The following FLNA variants were observed in gnomAD, a reference collection of about 807,000 sequenced individuals.
FLNA encodes the protein filamin A, also known as filamin-A.
A neutral mutation model predicts 157.6 loss-of-function variants in FLNA; 7 were observed. The ratio of observed to expected loss-of-function variants is 0.04; its 90% CI spans 0.03 to 0.08. FLNA has a LOEUF of 0.08. FLNA is among the 10% of genes least tolerant of loss of function. The pLI is 1.00. For synonymous variants in FLNA, 1,103 were observed against 1,060.8 expected (o/e 1.04, Z -0.77); for missense variants, 1,750 against 2,398.4 (o/e 0.73, Z 5.65).
At position 154,348,661 on chromosome X, in the gene FLNA, C is replaced by G. The variant is rs2067592253; in HGVS notation, c.*188G>C. ...AGCGCCACCAAATGGCTCCCTCTGC[C>G]CAAGTGAAAGCCGAGAGGTCAGCGG... On this transcript the variant is annotated 3_prime_UTR_variant, in exon 48 of 48. Transcript: ENST00000369850. 1 of 418,888 alleles carries G rather than the reference C, an allele frequency of 2.4e-6. No individual in the cohort carries two copies. The highest frequency in any genetic ancestry group is 4.3e-5 in the South Asian group (1 of 23,141). 34.5% of individuals were successfully genotyped at this position (418,888 alleles called of 1,213,427 possible).
In FLNA at chrX:154,352,870, G is replaced by T; in HGVS notation, c.6281C>A (p.Thr2094Lys). ...GCACGTCCCGTCCTCCAGGTCCTCT[G>T]TGTTGATGTCCACCTTGCTGGGGCC... ...IEGPSKVDINTEDLEDGTCRV... is the reference protein window; with the variant it reads ...IEGPSKVDINKEDLEDGTCRV... The change falls in exon 39 of 48, where the codon ACA (threonine) becomes AAA (lysine). Residue 2094 changes from threonine to lysine, a missense_variant. Around this residue, in one of 5 missense-constraint regions of FLNA, gnomAD observed 970 missense variants for 1,302.6 expected, o/e 0.74. Transcript: ENST00000369850. 1 of 1,211,764 alleles carries T rather than the reference G, an allele frequency of 8.3e-7. No individual in the cohort carries two copies. The highest frequency in any genetic ancestry group is 1.1e-6 in the Non-Finnish European group (1 of 895,291).
chrX:154,349,230 G>T, intron 47 of FLNA, 132 bp downstream of exon 47: 1 of 789,519 alleles, frequency 1.3e-6, no homozygotes, highest in Non-Finnish European at 1.9e-6. Context: ...GGGTCCAGGA[G>T]GTGGCAGGGA....
chrX:154,365,615 G>T, intron 9 of FLNA, 129 bp from the exon 10 acceptor site: 1 of 821,475 alleles, frequency 1.2e-6, no homozygotes, highest in Non-Finnish European at 1.7e-6. Context: ...ATGCAAGACA[G>T]AACTGGAAGG....
At position 154,364,871 on chromosome X, in the gene FLNA, T is replaced by A. The variant is rs1557178817; in HGVS notation, c.1778A>T (p.Lys593Met). The change falls in exon 12 of 48, where the codon AAG (lysine) becomes ATG (methionine). Residue 593 changes from lysine to methionine, a missense_variant. By Grantham distance (95) the Lys-to-Met change is moderately conservative (BLOSUM62 -1). Transcript: ENST00000369850. ...GPGLEGGVVG[K>M]SADFVVEAIG... is the part of the protein sequence containing the mutation. ...AGCCTCCACCACAAAGTCTGCTGACTTGCCAACGACGCCGCCCTCCAGCCC... is the reference window on the plus strand; with the variant it reads ...AGCCTCCACCACAAAGTCTGCTGACATGCCAACGACGCCGCCCTCCAGCCC... 4 of 1,211,633 alleles carry A rather than the reference T, an allele frequency of 3.3e-6. No homozygotes were observed. The highest frequency in any genetic ancestry group is 1.1e-6 in the Non-Finnish European group (1 of 895,554).
rs2070825 is a variant in FLNA at position 154,353,564 on chromosome X, A to G, written c.5850T>C (p.Ala1950=). 0.14 allele frequency: 166,360 copies of G among 1,209,033 alleles called. 11,142 individuals are homozygous for G. Among genetic ancestry groups the G allele is most frequent in the African/African-American group, 0.5 (28,385 of 57,102 alleles). ...EQHVPGSPFT[A]RVTGDDSMRM... ...CCCAGTGCCACCCACCTGTGACCCG[A>G]GCAGTGAAGGGGCTGCCTGGGACGT... is the stretch of plus-strand genomic sequence containing the variant. The change falls in exon 36 of 48, where the codon GCT becomes GCC. Residue 1950 remains alanine (A), a synonymous_variant. Transcript: ENST00000369850.
chrX:154,358,571 G>C lies in FLNA; in HGVS notation c.4475-3C>G. The C allele has an allele frequency of 8.3e-7, 1 of 1,209,227 alleles. No homozygotes were observed. Among genetic ancestry groups the C allele is most frequent in the Non-Finnish European group, 1.1e-6 (1 of 894,826 alleles). On this transcript the variant is annotated splice_polypyrimidine_tract_variant and splice_region_variant and intron_variant, in intron 26 of 47. Transcript: ENST00000369850. ...CACGTCCACTGGCTCCACCAGGCCT[G>C]GCCCCAGCCCCAGGGACAGAGCATC...
intron 28 of FLNA, 31 bp downstream of exon 28, chrX:154,358,168 C>T (rs782571288): frequency 1.7e-6 from 2 of 1,205,978 alleles, no homozygotes; most frequent in Non-Finnish European, 2.2e-6. Flanking sequence ...CCCAGGCCCC[C>T]CTGCCTCCCC....
At chrX:154,362,856 T>C in intron 15 of FLNA, 72 bp from the exon 16 acceptor site, 5 of 1,092,136 alleles carry the variant, frequency 4.6e-6, no homozygotes, top group Non-Finnish European at 6.1e-6. Flanking sequence ...TCAGCTACAC[T>C]GGCAGGCACA....
chrX:154,366,487 G>A lies in FLNA; in HGVS notation c.1066-17C>T. 3.3e-6 allele frequency: 4 copies of A among 1,211,106 alleles called. No individual in the cohort carries two copies. The highest frequency in any genetic ancestry group is 4.5e-6 in the Non-Finnish European group (4 of 894,867). ...CACAGTAACCTGTCCCCAGAAGGGTGGGCCGTGAGGGTAGGGCTGGGGGCC... is the reference window on the plus strand; with the variant it reads ...CACAGTAACCTGTCCCCAGAAGGGTAGGCCGTGAGGGTAGGGCTGGGGGCC... On this transcript the variant is annotated splice_polypyrimidine_tract_variant and intron_variant, in intron 7 of 47. Coordinates refer to ENST00000369850, the MANE Select transcript of FLNA (RefSeq NM_001110556.2).
Position 154,366,061 on chromosome X carries a change from G to A in FLNA, c.1392C>T (p.Pro464=), listed in dbSNP as rs1557179137. ...TGACAGTGTAGGGGCTGCGAGGGATGGGCACGCCGGCAAACGTGACGTGCA... is the reference window on the plus strand; with the variant it reads ...TGACAGTGTAGGGGCTGCGAGGGATAGGCACGCCGGCAAACGTGACGTGCA... ...HTVHVTFAGV[P]IPRSPYTVTV... is the part of the protein sequence containing the mutation. Residue 464 remains proline, a synonymous_variant, in exon 9 of 48, where the codon CCC becomes CCT. Transcript: ENST00000369850. 3 of 1,209,154 alleles carry A rather than the reference G, an allele frequency of 2.5e-6. No homozygotes were observed. The highest frequency in any genetic ancestry group is 1.8e-5 in the South Asian group (1 of 57,003).
At chrX:154,369,510 C>T (rs2067788630) in intron 2 of FLNA, among the ~76,000 whole-genome samples, 1 of 107,460 alleles carries the variant, frequency 9.3e-6, no homozygotes, top group African/African-American at 3.4e-5. Context: ...CCCCATCCCA[C>T]CCCCCTTTCC....
chrX:154,371,408 GA>G lies in FLNA; in HGVS notation c.-116-48del. 6.3e-6 allele frequency: 4 copies of G among 630,018 alleles called. 1 individual carries two copies. Among genetic ancestry groups the G allele is most frequent in the Non-Finnish European group, 9.4e-6 (4 of 424,191 alleles). The allele number at this position is 630,018 out of a possible 1,213,427, so 51.9% of individuals were successfully genotyped here. A position where few individuals can be genotyped will look rare whatever the true frequency, so the allele number is the denominator to read the frequency against. On this transcript the variant is annotated intron_variant, in intron 1 of 47. Coordinates refer to ENST00000369850, the MANE Select transcript of FLNA (RefSeq NM_001110556.2). The stretch of plus-strand genomic sequence containing the variant: ...TAAATGCGGGAGGAGGGCGGGGCCA[GA>G]GGGCGGGCCTCCTGCGGGGAGGGGC...
Position 154,351,593 on chromosome X carries a change from A to G in FLNA, c.7011T>C (p.Val2337=), listed in dbSNP as rs1557175796. ...SPSGDARRLT[V]SSLQESGLKV... ...CTCGGTGCCTCACCTGAAGGCTAGA[A>G]ACAGTGAGGCGGCGGGCGTCGCCAG... The change falls in exon 43 of 48, where the codon GTT becomes GTC. Residue 2337 remains valine (V), a synonymous_variant. Transcript: ENST00000369850. 8.3e-7 allele frequency: 1 copy of G among 1,201,492 alleles called. No homozygotes were observed. Among genetic ancestry groups the G allele is most frequent in the Non-Finnish European group, 1.1e-6 (1 of 886,701 alleles).
At position 154,360,466 on chromosome X, in the gene FLNA, G is replaced by A. The variant is rs2067697187; in HGVS notation, c.3329C>T (p.Ala1110Val). 1.7e-6 allele frequency: 2 copies of A among 1,211,528 alleles called. No individual in the cohort carries two copies. Among genetic ancestry groups the A allele is most frequent in the Non-Finnish European group, 2.2e-6 (2 of 895,495 alleles). The part of the protein sequence containing the change: ...LGLTVEGPCE[A>V]QLECLDNGDG... ...CCCATTGTCCAAGCACTCGAGCTGC[G>A]CCTCACAGGGGCCCTCCACCGTCAG... The change falls in exon 22 of 48, where the codon GCG becomes GTG. Residue 1110 changes from alanine (A) to valine (V), a missense_variant. Transcript: ENST00000369850.
chrX:154,354,691 G>A lies in FLNA; in HGVS notation c.5238C>T (p.Pro1746=). The A allele has an allele frequency of 8.3e-7, 1 of 1,207,946 alleles. No individual in the cohort carries two copies. The highest frequency in any genetic ancestry group is 1.1e-6 in the Non-Finnish European group (1 of 893,675). Residue 1746 remains proline, a synonymous_variant, in exon 32 of 48, where the codon CCC becomes CCT. Coordinates refer to ENST00000369850, the MANE Select transcript of FLNA (RefSeq NM_001110556.2). ...FQVTALAGDQ[P]SVQPPLRSQQ... ...GAGACCGTAGAGGGGGCTGCACCGA[G>A]GGCTGGTCCCCAGCCAGAGCCTGCA... is the stretch of plus-strand genomic sequence containing the variant.
chrX:154,371,279 C>G lies in FLNA; in HGVS notation c.-34G>C. 8.4e-7 allele frequency: 1 copy of G among 1,192,124 alleles called. No homozygotes were observed. The highest frequency in any genetic ancestry group is 1.1e-6 in the Non-Finnish European group (1 of 889,433). ...GCGAGAAGCCGGGGGGGCGGTGCTG[C>G]AGCCTCGGCGAGGGGACGGCCCTTT... On this transcript the variant is annotated 5_prime_UTR_variant, in exon 2 of 48. Coordinates refer to ENST00000369850, the MANE Select transcript of FLNA (RefSeq NM_001110556.2).
intron 1 of FLNA, among the ~76,000 whole-genome samples, chrX:154,373,172 G>A (rs1331300592): frequency 8.9e-6 from 1 of 112,424 alleles, no homozygotes; most frequent in Non-Finnish European, 1.9e-5. Context: ...CGGGCTTGAA[G>A]TTGTCCTTCT....
intron 26 of FLNA, 41 bp downstream of exon 26, chrX:154,358,943 C>G: frequency 8.3e-7 from 1 of 1,199,252 alleles, no homozygotes; most frequent in African/African-American, 1.7e-5. Context: ...AAACAGGACA[C>G]TGCCCTCCTG....
intron 28 of FLNA, among the ~76,000 whole-genome samples, chrX:154,357,918 A>G (rs960118198): frequency 1.8e-5 from 2 of 112,310 alleles, no homozygotes; most frequent in Admixed American, 9.3e-5. Flanking sequence ...TCAAGCTTCT[A>G]TCCTATACCT....
Sources: gnomAD v4.1 joint callset for allele counts (sites outside exome capture counted in the v4.1 genomes callset) on GRCh38, gnomAD v4.1.1 for gene constraint, gnomAD v4.1.1 regional missense constraint, MANE v1.5 for transcripts, NCBI Gene and HGNC (gene_info 2026-07-23, HGNC 2026-07-21) for gene names.